Variants in ERAP1 observed in about 807,000 individuals in gnomAD.
ERAP1 encodes the protein adipocyte-derived leucine aminopeptidase.
In ERAP1, 86 loss-of-function variants were observed where a neutral mutation model predicts 103.7. The ratio of observed to expected loss-of-function variants is 0.83; its 90% CI spans 0.70 to 0.99. The LOEUF is 0.99. Among genes scored for constraint, ERAP1 ranks in the 50% least tolerant of loss-of-function variants. ERAP1 has a pLI of 0.00. For missense variants in ERAP1, 1,009 were observed against 1,128.4 expected (o/e 0.89, Z 1.52); for synonymous variants, 398 against 402.4 (o/e 0.99, Z 0.13).
intron 10 of ERAP1, among the ~76,000 whole-genome samples, chr5:96,790,026 A>T (rs1014566136): frequency 2.0e-5 from 3 of 152,258 alleles, no homozygotes; most frequent in Non-Finnish European, 4.4e-5. Flanking sequence ...CTATAGAAAC[A>T]TGTCATAAAT....
At chr5:96,929,433 C>T in the ERAP1 span, among the ~76,000 whole-genome samples, 3 of 151,566 alleles carry the variant, frequency 2.0e-5, no homozygotes, top group Non-Finnish European at 4.4e-5. Flanking sequence ...TTCCTTCCTT[C>T]CCTCCCTCCC....
the ERAP1 span, among the ~76,000 whole-genome samples, chr5:96,930,847 G>C: frequency 6.6e-6 from 1 of 152,186 alleles, no homozygotes; most frequent in East Asian, 1.9e-4. Context: ...GCCTTCATTG[G>C]AGCTTATGCT....
chr5:96,856,251 G>A, the ERAP1 span, among the ~76,000 whole-genome samples: 45 of 143,228 alleles, frequency 3.1e-4, no homozygotes, highest in Non-Finnish European at 9.1e-5. Flanking sequence ...CCCGGGAGGC[G>A]GAGATTGCAG....
At chr5:96,893,624 G>A in the ERAP1 span, among the ~76,000 whole-genome samples, 4 of 152,106 alleles carry the variant, frequency 2.6e-5, no homozygotes, top group Non-Finnish European at 5.9e-5. Context: ...TGCTCCCTCT[G>A]GCCCTCCCTT....
intron 18 of ERAP1, among the ~76,000 whole-genome samples, chr5:96,777,229 A>AGAT (rs1419456450): frequency 5.9e-5 from 9 of 152,320 alleles, no homozygotes; most frequent in East Asian, 5.8e-4. Flanking sequence ...CTCACATGAC[A>AGAT]GATAGGCTGG....
the ERAP1 span, chr5:96,879,483 C>T: frequency 1.9e-6 from 1 of 526,566 alleles, no homozygotes; most frequent in Non-Finnish European, 3.4e-6. Context: ...CTTACTCACA[C>T]ATACCTTTTT....
intron 11 of ERAP1, among the ~76,000 whole-genome samples, chr5:96,787,012 T>C (rs1244686187): frequency 6.6e-6 from 1 of 151,972 alleles, no homozygotes; most frequent in Non-Finnish European, 1.5e-5. Flanking sequence ...AATGTCAATA[T>C]CGAGAAGCCC....
chr5:96,780,250 A>C (rs542436549), intron 18 of ERAP1, among the ~76,000 whole-genome samples, 173 bp downstream of exon 18: 13 of 152,372 alleles, frequency 8.5e-5, no homozygotes, highest in African/African-American at 3.1e-4. Flanking sequence ...AGTTTTCACT[A>C]GTTTAATTGC....
In ERAP1 at chr5:96,795,039, T is replaced by A. The variant is rs1431170348; in HGVS notation, c.919+3A>T. Reference sequence around the variant, plus strand: ...ATGTGTAATATCTGTGCAAAATCTCTACCTTGTTTGGGTAGGGGATACGGT... The same window carrying A: ...ATGTGTAATATCTGTGCAAAATCTCAACCTTGTTTGGGTAGGGGATACGGT... On this transcript the variant is annotated splice_donor_region_variant and intron_variant, in intron 5 of 18. Transcript: ENST00000443439. 1.9e-6 allele frequency: 3 copies of A among 1,613,840 alleles called. No homozygotes were observed. The highest frequency in any genetic ancestry group is 2.5e-6 in the Non-Finnish European group (3 of 1,179,924).
chr5:96,790,355 C>G lies in ERAP1; in HGVS notation c.1465G>C (p.Asp489His). The change falls in exon 10 of 19, where the codon GAT becomes CAT. Residue 489 changes from aspartate (D) to histidine (H), a missense_variant. Physicochemically the swap from Asp to His is moderately conservative, Grantham distance 81. Coordinates refer to ENST00000443439, the MANE Select transcript of ERAP1 (RefSeq NM_001040458.3). ...AAGCCATCCATCCCTTTTACACCAT[C>G]TGTAGGGCAAATCTAAAAACCAAAA... ...WDSMASICPT[D>H]GVKGMDGFCS... is the part of the protein sequence containing the mutation. The G allele has an allele frequency of 6.2e-7, 1 of 1,614,080 alleles. No individual in the cohort carries two copies. The highest frequency in any genetic ancestry group is 8.5e-7 in the Non-Finnish European group (1 of 1,179,998).
At chr5:96,810,797 AATTG>A (rs1476510218), upstream of ERAP1, among the ~76,000 whole-genome samples, 17 of 152,354 alleles carry the variant, frequency 1.1e-4, no homozygotes, top group Admixed American at 9.1e-4. Context: ...ATTTTGCTGT[AATTG>A]ATTGATTCAG....
chr5:96,768,060 A>T (rs532097106), intron 19 of ERAP1: 2 of 1,065,046 alleles, frequency 1.9e-6, no homozygotes, highest in East Asian at 2.4e-5. Context: ...GTACATACAT[A>T]TAAGTTTTAT....
intron 1 of ERAP1, among the ~76,000 whole-genome samples, chr5:96,806,404 A>G (rs1581648745): frequency 6.6e-6 from 1 of 152,220 alleles, no homozygotes; most frequent in Non-Finnish European, 1.5e-5. Flanking sequence ...AATAGAAGCC[A>G]AGGAGGAAAA....
chr5:96,885,418 A>G, the ERAP1 span, among the ~76,000 whole-genome samples: 2 of 152,212 alleles, frequency 1.3e-5, no homozygotes, highest in Non-Finnish European at 2.9e-5. Context: ...TAAAAATTAC[A>G]GCCCTGTATA....
chr5:96,821,518 G>A, the ERAP1 span, among the ~76,000 whole-genome samples: 1 of 152,144 alleles, frequency 6.6e-6, no homozygotes. Flanking sequence ...GACCCAGGGG[G>A]AAGCACAGGA....
the ERAP1 span, among the ~76,000 whole-genome samples, chr5:96,933,257 G>GCC: frequency 0.035 from 4,098 of 117,154 alleles, 117 homozygotes; most frequent in South Asian, 0.091. Context: ...TTGCTCTGTC[G>GCC]CCCAGGCTGG....
Position 96,775,887 on chromosome 5 carries a change from C to T in ERAP1, c.*509G>A. The T allele has an allele frequency of 1.1e-6, 1 of 891,390 alleles. No individual in the cohort carries two copies. Among genetic ancestry groups the T allele is most frequent in the South Asian group, 4.9e-5 (1 of 20,412 alleles). 55.2% of individuals were successfully genotyped at this position (891,390 alleles called of 1,614,324 possible). On this transcript the variant is annotated 3_prime_UTR_variant, in exon 19 of 19. Coordinates refer to ENST00000443439, the MANE Select transcript of ERAP1 (RefSeq NM_001040458.3). ...AGGGCAAGAAAGCTTGATGACTTGG[C>T]CTTTACAAGTCAGCCCCTGGGCATG...
Position 96,787,672 on chromosome 5 carries a change from A to G in ERAP1, c.1679+859T>C, listed in dbSNP as rs1438645640. Among the ~76,000 whole-genome samples, 3 of 152,164 alleles carry G rather than the reference A, an allele frequency of 2.0e-5. No individual in the cohort carries two copies. In the East Asian group the frequency reaches 5.8e-4, roughly 29 times the overall value. On this transcript the variant is annotated intron_variant, in intron 11 of 18. Coordinates refer to ENST00000443439, the MANE Select transcript of ERAP1 (RefSeq NM_001040458.3). ...GTTCAGAAAAACATATGCCAAGTATATACATACAGACATATGTATATAGGT... is the reference window on the plus strand; with the variant it reads ...GTTCAGAAAAACATATGCCAAGTATGTACATACAGACATATGTATATAGGT...
intron 18 of ERAP1, 181 bp from the exon 19 acceptor site, chr5:96,776,732 G>A (rs898574952): frequency 2.5e-6 from 2 of 800,146 alleles, no homozygotes; most frequent in East Asian, 2.8e-5. Flanking sequence ...GCCTCATGAT[G>A]TCAAGTTCTG....
Sources: gnomAD v4.1 joint callset for allele counts (sites outside exome capture counted in the v4.1 genomes callset) on GRCh38, gnomAD v4.1.1 for gene constraint, MANE v1.5 for transcripts, NCBI Gene and HGNC (gene_info 2026-07-23, HGNC 2026-07-21) for gene names.